Variants in DENND1A observed in about 807,000 individuals in gnomAD.
DENND1A encodes the protein DENN domain-containing protein 1A.
DENND1A carries 51 observed loss-of-function variants against 113.7 expected under a neutral mutation model. The observed-to-expected ratio is 0.45, with a 90% CI of 0.36 to 0.57. The LOEUF (loss-of-function observed/expected upper bound fraction) is 0.57. Ranked by LOEUF, DENND1A falls within the 20% of genes least tolerant of loss-of-function variation. The pLI, the probability that DENND1A is intolerant of heterozygous loss-of-function variation, is 0.00. For synonymous variants in DENND1A, 565 were observed against 570.8 expected (o/e 0.99, Z 0.14); for missense variants, 1,258 against 1,395.9 (o/e 0.90, Z 1.57).
At chr9:123,697,862 T>G (rs2065625878) in intron 5 of DENND1A, among the ~76,000 whole-genome samples, 1 of 152,180 alleles carries the variant, frequency 6.6e-6, no homozygotes, top group East Asian at 1.9e-4. Flanking sequence ...GCCTTTAACA[T>G]GGAAATGAAA....
At chr9:123,494,298 G>A (rs1213005543) in intron 13 of DENND1A, among the ~76,000 whole-genome samples, 1 of 152,208 alleles carries the variant, frequency 6.6e-6, no homozygotes, top group Non-Finnish European at 1.5e-5. Flanking sequence ...CCTAATCTGA[G>A]TTTAACTCCT....
intron 12 of DENND1A, among the ~76,000 whole-genome samples, chr9:123,562,275 C>T (rs1181392333): frequency 6.6e-6 from 1 of 152,156 alleles, no homozygotes; most frequent in East Asian, 1.9e-4. Flanking sequence ...CTCTTCAGCC[C>T]ATTTCCATGT....
intron 13 of DENND1A, among the ~76,000 whole-genome samples, chr9:123,477,257 C>T (rs909503826): frequency 6.6e-6 from 1 of 151,892 alleles, no homozygotes; most frequent in Non-Finnish European, 1.5e-5. Context: ...ATGCCAGGTA[C>T]AGTGGCTCAC....
chr9:123,861,653 A>C (rs184497167), intron 2 of DENND1A, among the ~76,000 whole-genome samples: 3 of 152,310 alleles, frequency 2.0e-5, no homozygotes, highest in Admixed American at 2.0e-4. Context: ...TTGCTGCACA[A>C]AACAATAGAA....
At chr9:123,550,676 G>A (rs926195006) in intron 13 of DENND1A, among the ~76,000 whole-genome samples, 3 of 152,154 alleles carry the variant, frequency 2.0e-5, no homozygotes, top group African/African-American at 4.8e-5. Context: ...TGTTTCGAGG[G>A]GGGTGTATTA....
intron 2 of DENND1A, among the ~76,000 whole-genome samples, chr9:123,868,765 C>A (rs548559706): frequency 6.6e-6 from 1 of 152,120 alleles, no homozygotes; most frequent in Non-Finnish European, 1.5e-5. Context: ...CCCTAAATTG[C>A]GCACTTTAGG....
chr9:123,476,325 T>C (rs1050572707), intron 13 of DENND1A, among the ~76,000 whole-genome samples: 1 of 152,114 alleles, frequency 6.6e-6, no homozygotes, highest in Non-Finnish European at 1.5e-5. Context: ...AACCCAGATT[T>C]GGTTTAAGGC....
intron 13 of DENND1A, among the ~76,000 whole-genome samples, chr9:123,536,287 T>C (rs1278527511): frequency 3.3e-5 from 5 of 151,914 alleles, no homozygotes; most frequent in Non-Finnish European, 7.4e-5. Context: ...CTGGCCAACA[T>C]TGTGAAACCT....
At chr9:123,457,751 C>T (rs766366576) in intron 14 of DENND1A, 42 bp downstream of exon 14, 34 of 1,546,414 alleles carry the variant, frequency 2.2e-5, no homozygotes, top group Non-Finnish European at 2.8e-5. Flanking sequence ...CAGAAATCCC[C>T]GCCAGGGAGC....
chr9:123,660,615 CATT>C (rs2063186253), intron 8 of DENND1A, among the ~76,000 whole-genome samples: 1 of 151,886 alleles, frequency 6.6e-6, no homozygotes. Context: ...TTTATCATAA[CATT>C]ATTTATAGAA....
chr9:123,469,219 G>A (rs1441686932), intron 13 of DENND1A, among the ~76,000 whole-genome samples: 1 of 152,246 alleles, frequency 6.6e-6, no homozygotes, highest in Non-Finnish European at 1.5e-5. Context: ...TAGACTCCCA[G>A]TCTGGGCCCC....
At chr9:123,726,867 T>C (rs992087473) in intron 5 of DENND1A, among the ~76,000 whole-genome samples, 1 of 152,192 alleles carries the variant, frequency 6.6e-6, no homozygotes, top group African/African-American at 2.4e-5. Context: ...AAAGGTATCC[T>C]ATCCTCCCAA....
chr9:123,425,982 G>A (rs1422226603), intron 19 of DENND1A, among the ~76,000 whole-genome samples: 5 of 152,250 alleles, frequency 3.3e-5, no homozygotes, highest in South Asian at 2.1e-4. Context: ...AATACGAGGC[G>A]CTAGGGACTA....
chr9:123,589,920 G>A (rs1158909372), intron 11 of DENND1A, among the ~76,000 whole-genome samples: 2 of 152,192 alleles, frequency 1.3e-5, no homozygotes, highest in African/African-American at 2.4e-5. Flanking sequence ...CCGACCAGGG[G>A]GCTTACTGTA....
chr9:123,696,744 T>C (rs1255595797), intron 5 of DENND1A, among the ~76,000 whole-genome samples: 1 of 151,650 alleles, frequency 6.6e-6, no homozygotes, highest in East Asian at 1.9e-4. Context: ...GATTCTGCGA[T>C]GAGAATTTCT....
intron 1 of DENND1A, among the ~76,000 whole-genome samples, chr9:123,925,308 AC>A (rs1277266736): frequency 2.0e-5 from 3 of 151,670 alleles, no homozygotes; most frequent in African/African-American, 7.3e-5. Flanking sequence ...TCTGCTAACC[AC>A]CCCTACCTAT....
chr9:123,896,027 C>A (rs1850696030), intron 1 of DENND1A, among the ~76,000 whole-genome samples: 1 of 152,158 alleles, frequency 6.6e-6, no homozygotes, highest in South Asian at 2.1e-4. Context: ...TCAAAAAAAT[C>A]TCAACAGGCC....
At chr9:123,520,408 G>A (rs1364535024) in intron 13 of DENND1A, among the ~76,000 whole-genome samples, 2 of 152,122 alleles carry the variant, frequency 1.3e-5, no homozygotes, top group African/African-American at 4.8e-5. Flanking sequence ...AGCCGAGATC[G>A]TGTCATTGCA....
chr9:123,749,080 C>T (rs1421033654), intron 5 of DENND1A, among the ~76,000 whole-genome samples: 2 of 152,182 alleles, frequency 1.3e-5, no homozygotes, highest in African/African-American at 4.8e-5. Flanking sequence ...TTCCAGCTGG[C>T]CTTGGGCTCA....
Sources: gnomAD v4.1 joint callset for allele counts (sites outside exome capture counted in the v4.1 genomes callset) on GRCh38, gnomAD v4.1.1 for gene constraint, MANE v1.5 for transcripts, NCBI Gene and HGNC (gene_info 2026-07-23, HGNC 2026-07-21) for gene names.